Variants in RBMS3 observed in about 807,000 individuals in gnomAD.
RBMS3 encodes RNA binding motif single stranded interacting protein 3, also known as RNA-binding motif, single-stranded-interacting protein 3.
A neutral mutation model predicts 66.8 loss-of-function variants in RBMS3; 27 were observed. The ratio of observed to expected loss-of-function variants is 0.40; its 90% CI spans 0.30 to 0.56. RBMS3 has a LOEUF of 0.56. RBMS3 is among the 20% of genes least tolerant of loss of function. The probability of loss-of-function intolerance (pLI) is 0.40; values close to 1 mark genes in which losing one functional copy is unlikely to be tolerated. For missense variants in RBMS3, 513 were observed against 549.5 expected (o/e 0.93, Z 0.66); for synonymous variants, 188 against 183.0 (o/e 1.03, Z -0.22).
intron 6 of RBMS3, among the ~76,000 whole-genome samples, chr3:29,776,741 A>G (rs759666067): frequency 1.3e-4 from 20 of 151,946 alleles, no homozygotes; most frequent in Non-Finnish European, 2.2e-4. Flanking sequence ...TCTGAATGAC[A>G]TCATTGATGA....
In RBMS3 at chr3:29,564,809, G is replaced by C. The variant is rs533735150; in HGVS notation, c.308-22305G>C. Among the ~76,000 whole-genome samples, 77 of 152,168 alleles carry C rather than the reference G, an allele frequency of 5.1e-4. 1 individual carries two copies. Among genetic ancestry groups the C allele is most frequent in the Non-Finnish European group, 1.0e-3 (69 of 68,000 alleles). On this transcript the variant is annotated intron_variant, in intron 3 of 14. Coordinates refer to ENST00000383767, the MANE Select transcript of RBMS3 (RefSeq NM_001003793.3). ...GAATTCATCCTGCTGTAATGTGTCA[G>C]CTTAGGCAGGTCAGTTTCTTTAAAG...
intron 1 of RBMS3, among the ~76,000 whole-genome samples, chr3:29,411,424 G>T (rs1166300898): frequency 6.6e-6 from 1 of 152,182 alleles, no homozygotes; most frequent in African/African-American, 2.4e-5. Context: ...AGACAGGACA[G>T]AAATGATGCT....
chr3:29,801,272 CTT>C (rs200997680), intron 6 of RBMS3, among the ~76,000 whole-genome samples: 6 of 129,444 alleles, frequency 4.6e-5, no homozygotes, highest in South Asian at 2.4e-4. Flanking sequence ...TGCTTTTTTT[CTT>C]TTTTTTTTTT....
intron 6 of RBMS3, among the ~76,000 whole-genome samples, chr3:29,774,449 T>C (rs1301082564): frequency 6.6e-6 from 1 of 152,078 alleles, no homozygotes; most frequent in African/African-American, 2.4e-5. Flanking sequence ...TGTATCCATA[T>C]ATAAGACAAA....
chr3:29,380,669 G>A (rs1168854366), intron 1 of RBMS3, among the ~76,000 whole-genome samples: 1 of 152,184 alleles, frequency 6.6e-6, no homozygotes, highest in African/African-American at 2.4e-5. Context: ...AATAGGGCAG[G>A]TCAGTGAGGC....
chr3:29,693,253 A>C (rs1161434884), intron 4 of RBMS3, among the ~76,000 whole-genome samples: 1 of 152,222 alleles, frequency 6.6e-6, no homozygotes, highest in Non-Finnish European at 1.5e-5. Context: ...GTGATGTGTG[A>C]TGCTGTACAG....
rs554365909 is a variant in RBMS3 at position 29,485,755 on chromosome 3, C to G, written c.249-2686C>G. Among the ~76,000 whole-genome samples, 20 of 152,270 alleles carry G rather than the reference C, an allele frequency of 1.3e-4. No homozygotes were observed. In the South Asian group the frequency reaches 3.9e-3, roughly 30 times the overall value. On this transcript the variant is annotated intron_variant, in intron 2 of 14. Transcript: ENST00000383767. ...GGATTTGTCTGAAAGCTTCTGGAGT[C>G]AGGAGGCACATGGGACTTGTGCTCA...
intron 4 of RBMS3, among the ~76,000 whole-genome samples, chr3:29,716,941 T>C (rs192628885): frequency 1.4e-4 from 22 of 152,186 alleles, no homozygotes; most frequent in South Asian, 8.3e-4. Flanking sequence ...TACAGACATA[T>C]ATAATACGTA....
At chr3:29,847,558 T>G (rs2058812629) in intron 6 of RBMS3, among the ~76,000 whole-genome samples, 1 of 152,192 alleles carries the variant, frequency 6.6e-6, no homozygotes, top group Non-Finnish European at 1.5e-5. Flanking sequence ...AAAATTATTT[T>G]TCTCATGAAG....
intron 1 of RBMS3, among the ~76,000 whole-genome samples, chr3:29,329,166 T>C (rs1009051300): frequency 5.9e-5 from 9 of 152,154 alleles, no homozygotes; most frequent in Non-Finnish European, 7.4e-5. Context: ...TGAACTTCAA[T>C]TAAATGTTCT....
At chr3:29,888,681 A>C (rs1234101595) in intron 8 of RBMS3, among the ~76,000 whole-genome samples, 1 of 151,702 alleles carries the variant, frequency 6.6e-6, no homozygotes, top group Non-Finnish European at 1.5e-5. Flanking sequence ...ATCCTCATCA[A>C]TATTTTGTAA....
At chr3:29,914,194 G>A (rs897193024) in intron 10 of RBMS3, among the ~76,000 whole-genome samples, 1 of 152,058 alleles carries the variant, frequency 6.6e-6, no homozygotes, top group East Asian at 1.9e-4. Context: ...TATGGTGGAT[G>A]CATGGGTCAA....
At chr3:29,395,639 A>G (rs2039512856) in intron 1 of RBMS3, among the ~76,000 whole-genome samples, 1 of 152,166 alleles carries the variant, frequency 6.6e-6, no homozygotes, top group African/African-American at 2.4e-5. Flanking sequence ...GCAAGTAACC[A>G]TTGTTTTCAA....
chr3:29,426,030 A>C (rs1201623315), intron 1 of RBMS3, among the ~76,000 whole-genome samples: 1 of 152,216 alleles, frequency 6.6e-6, no homozygotes, highest in East Asian at 1.9e-4. Flanking sequence ...TGTAATCTCC[A>C]GCTGGGGAAC....
At chr3:29,395,658 T>C (rs2039513556) in intron 1 of RBMS3, among the ~76,000 whole-genome samples, 2 of 152,196 alleles carry the variant, frequency 1.3e-5, no homozygotes, top group South Asian at 4.1e-4. Context: ...AAGTGAATCA[T>C]TGTCTTAATT....
chr3:29,901,359 C>T (rs1299995256), intron 10 of RBMS3, among the ~76,000 whole-genome samples: 5 of 151,840 alleles, frequency 3.3e-5, no homozygotes, highest in African/African-American at 1.2e-4. Flanking sequence ...AGCACTAATA[C>T]TAACTTAGTC....
At chr3:29,619,669 T>C (rs2048800270) in intron 4 of RBMS3, among the ~76,000 whole-genome samples, 1 of 152,194 alleles carries the variant, frequency 6.6e-6, no homozygotes, top group South Asian at 2.1e-4. Flanking sequence ...AGTTATAAAA[T>C]ATGACTCACT....
At chr3:29,985,998 T>C (rs547074695) in intron 12 of RBMS3, among the ~76,000 whole-genome samples, 1 of 152,196 alleles carries the variant, frequency 6.6e-6, no homozygotes, top group South Asian at 2.1e-4. Context: ...TGGACCAGAG[T>C]AGTATTCTAC....
intron 5 of RBMS3, among the ~76,000 whole-genome samples, chr3:29,741,395 A>C (rs2054638067): frequency 6.6e-6 from 1 of 152,212 alleles, no homozygotes; most frequent in Non-Finnish European, 1.5e-5. Flanking sequence ...TAGCCAATGC[A>C]GTCATTCTTA....
Sources: gnomAD v4.1 joint callset for allele counts (sites outside exome capture counted in the v4.1 genomes callset) on GRCh38, gnomAD v4.1.1 for gene constraint, MANE v1.5 for transcripts, NCBI Gene and HGNC (gene_info 2026-07-23, HGNC 2026-07-21) for gene names.